The following SLC4A4 variants were observed in gnomAD, a reference collection of about 807,000 sequenced individuals.
SLC4A4 encodes the protein solute carrier family 4 member 4.
A neutral mutation model predicts 111.5 loss-of-function variants in SLC4A4; 27 were observed. The ratio of observed to expected loss-of-function variants is 0.24; its 90% CI spans 0.18 to 0.33. The LOEUF is 0.33. Ranked by LOEUF, SLC4A4 falls within the 10% of genes least tolerant of loss-of-function variation. The pLI is 1.00. For synonymous variants in SLC4A4, 443 were observed against 463.4 expected (o/e 0.96, Z 0.57); for missense variants, 909 against 1,315.5 (o/e 0.69, Z 4.78).
At chr4:71,397,497 A>T in intron 6 of SLC4A4, 80 bp from the exon 7 acceptor site, 1 of 1,159,036 alleles carries the variant, frequency 8.6e-7, no homozygotes, top group Non-Finnish European at 1.3e-6. Flanking sequence ...ATCATCTACT[A>T]ATGTTTATTA....
intron 14 of SLC4A4, among the ~76,000 whole-genome samples, chr4:71,484,456 T>C (rs769466875): frequency 6.6e-6 from 1 of 151,826 alleles, no homozygotes; most frequent in Admixed American, 6.6e-5. Flanking sequence ...TTTGTCAGGT[T>C]TGTTGAAGAT....
intron 1 of SLC4A4, among the ~76,000 whole-genome samples, chr4:71,198,841 T>A (rs1248041058): frequency 6.6e-6 from 1 of 152,036 alleles, no homozygotes; most frequent in Non-Finnish European, 1.5e-5. Context: ...GAGAAGTAGG[T>A]TTAGCTTAAA....
intron 5 of SLC4A4, among the ~76,000 whole-genome samples, chr4:71,353,539 C>T (rs919239739): frequency 1.3e-5 from 2 of 152,128 alleles, no homozygotes; most frequent in African/African-American, 4.8e-5. Context: ...AAACAGAGCC[C>T]TTATTTCATC....
At chr4:71,340,713 C>A (rs1213687463) in intron 4 of SLC4A4, among the ~76,000 whole-genome samples, 1 of 151,944 alleles carries the variant, frequency 6.6e-6, no homozygotes, top group East Asian at 1.9e-4. Context: ...ACAAGACACT[C>A]GATTTCCTAG....
In SLC4A4 at chr4:71,563,858, A is replaced by C; in HGVS notation, c.3165A>C (p.Gln1055His). 1 of 1,611,222 alleles carries C rather than the reference A, an allele frequency of 6.2e-7. No homozygotes were observed. The highest frequency in any genetic ancestry group is 8.5e-7 in the Non-Finnish European group (1 of 1,177,996). ...IKIPMDIMEQQPFLSDSKPSD... is the reference protein window; with the variant it reads ...IKIPMDIMEQHPFLSDSKPSD... ...TTCCAATGGACATCATGGAACAGCA[A>C]CCTTTCCTAAGCGATAGCAAACCTT... is the stretch of plus-strand genomic sequence containing the variant. The change falls in exon 24 of 26, where the codon CAA becomes CAC. Residue 1055 changes from glutamine to histidine, a missense_variant. Gln to His is a conservative substitution (Grantham distance 24). Transcript: ENST00000264485.
chr4:71,414,402 C>A (rs1721657855), intron 7 of SLC4A4, among the ~76,000 whole-genome samples: 1 of 152,220 alleles, frequency 6.6e-6, no homozygotes, highest in Non-Finnish European at 1.5e-5. Flanking sequence ...GTGGGAGAAG[C>A]AATGGAAAGT....
At chr4:71,151,940 C>T (rs1744323814) in intron 2 of SLC4A4, among the ~76,000 whole-genome samples, 2 of 151,878 alleles carry the variant, frequency 1.3e-5, no homozygotes, top group Admixed American at 1.3e-4. Flanking sequence ...TGGTGTACAC[C>T]TGTAGTCCCA....
At chr4:71,529,266 A>T (rs1197462726) in intron 16 of SLC4A4, among the ~76,000 whole-genome samples, 1 of 152,158 alleles carries the variant, frequency 6.6e-6, no homozygotes, top group East Asian at 1.9e-4. Context: ...AGTAAAATTC[A>T]CAGATTATAC....
chr4:71,393,764 A>G (rs1719531880), intron 6 of SLC4A4, among the ~76,000 whole-genome samples: 2 of 152,204 alleles, frequency 1.3e-5, no homozygotes, highest in Non-Finnish European at 2.9e-5. Flanking sequence ...TTCAAACTAT[A>G]TTAAAAGGTC....
At chr4:71,394,523 G>A (rs1219266534) in intron 6 of SLC4A4, among the ~76,000 whole-genome samples, 12 of 152,132 alleles carry the variant, frequency 7.9e-5, no homozygotes, top group Admixed American at 7.9e-4. Flanking sequence ...GTGGATGGCG[G>A]TGATCAGGGA....
intron 14 of SLC4A4, among the ~76,000 whole-genome samples, chr4:71,475,772 A>C (rs1728311115): frequency 6.6e-6 from 1 of 151,916 alleles, no homozygotes; most frequent in Non-Finnish European, 1.5e-5. Flanking sequence ...ATTTATTTTG[A>C]AGGAAAAGAA....
intron 3 of SLC4A4, among the ~76,000 whole-genome samples, chr4:71,332,851 C>T (rs1023698914): frequency 6.6e-6 from 1 of 152,188 alleles, no homozygotes; most frequent in Non-Finnish European, 1.5e-5. Context: ...TCCAGAATTT[C>T]CACTTGATTT....
intron 3 of SLC4A4, among the ~76,000 whole-genome samples, chr4:71,269,392 G>A (rs1049984990): frequency 3.9e-5 from 6 of 152,194 alleles, no homozygotes; most frequent in Non-Finnish European, 8.8e-5. Flanking sequence ...GGTGACAGTT[G>A]TGTCTTTCTG....
rs542319003 is a variant in SLC4A4 at position 71,432,109 on chromosome 4, T to C, written c.808-8507T>C. 2.6e-5 allele frequency among the ~76,000 whole-genome samples: 4 copies of C among 152,250 alleles called. No homozygotes were observed. In the South Asian group the frequency reaches 8.3e-4, roughly 32 times the overall value. ...ATTGGGCTGAGATAGTAGGAAGTCT[T>C]GTGCTGAGCTCTAAAGGCTGTTTAT... is the stretch of plus-strand genomic sequence containing the variant. On this transcript the variant is annotated intron_variant, in intron 7 of 25. Coordinates refer to ENST00000264485, the MANE Select transcript of SLC4A4 (RefSeq NM_001098484.3).
At chr4:71,273,716 A>C (rs1263840778) in intron 3 of SLC4A4, among the ~76,000 whole-genome samples, 2 of 151,862 alleles carry the variant, frequency 1.3e-5, no homozygotes, top group African/African-American at 4.8e-5. Context: ...AATTGGCATA[A>C]AGTTTTGAAA....
rs1234146050 is a variant in SLC4A4, at chr4:71,254,738, A to G, written c.74-482A>G. 2.0e-5 allele frequency among the ~76,000 whole-genome samples: 3 copies of G among 152,048 alleles called. No individual in the cohort carries two copies. The East Asian group carries it at 5.8e-4, about 29-fold the overall frequency. On this transcript the variant is annotated intron_variant, in intron 2 of 25. Transcript: ENST00000264485. ...GATAAATCTTTATTTTTGCAGCGCC[A>G]GCAGCTCCTTTTCCAGCAGGCACTA... is the stretch of plus-strand genomic sequence containing the variant.
intron 14 of SLC4A4, among the ~76,000 whole-genome samples, chr4:71,482,172 G>T (rs907792897): frequency 6.6e-6 from 1 of 151,642 alleles, no homozygotes; most frequent in Admixed American, 6.6e-5. Flanking sequence ...TGAGCCTAAA[G>T]AAATTTACTT....
At chr4:71,508,578 A>G (rs1320601253) in intron 16 of SLC4A4, among the ~76,000 whole-genome samples, 1 of 152,228 alleles carries the variant, frequency 6.6e-6, no homozygotes, top group Admixed American at 6.5e-5. Flanking sequence ...GAATCCCTGA[A>G]TAGACCAATA....
At position 71,379,052 on chromosome 4, in the gene SLC4A4, G is replaced by T. The variant is rs950129679; in HGVS notation, c.731-18525G>T. ...ATTCAGGTTTTTATCATCATCTCTTGTGGGACCACTTGAATATCCTCTTGT... is the reference window on the plus strand; with the variant it reads ...ATTCAGGTTTTTATCATCATCTCTTTTGGGACCACTTGAATATCCTCTTGT... On this transcript the variant is annotated intron_variant, in intron 6 of 25. Transcript: ENST00000264485. Among the ~76,000 whole-genome samples the T allele has an allele frequency of 2.6e-5, 4 of 151,992 alleles. No homozygotes were observed. The East Asian group carries it at 7.7e-4, about 29-fold the overall frequency.
Sources: gnomAD v4.1 joint callset for allele counts (sites outside exome capture counted in the v4.1 genomes callset) on GRCh38, gnomAD v4.1.1 for gene constraint, MANE v1.5 for transcripts, NCBI Gene and HGNC (gene_info 2026-07-23, HGNC 2026-07-21) for gene names.